KIF26B: variants seen among roughly 807,000 people sequenced by gnomAD.
KIF26B encodes kinesin family member 26B.
In KIF26B, 63 loss-of-function variants were observed where a neutral mutation model predicts 151.2. The ratio of observed to expected loss-of-function variants is 0.42; its 90% CI spans 0.34 to 0.51. The LOEUF is 0.51. Ranked by LOEUF, KIF26B falls within the 20% of genes least tolerant of loss-of-function variation. The pLI is 0.07. For missense variants in KIF26B, 2,813 were observed against 2,913.6 expected (o/e 0.97, Z 0.79); for synonymous variants, 1,357 against 1,262.1 (o/e 1.08, Z -1.59).
chr1:245,212,791 C>A (rs2087778798), intron 2 of KIF26B, among the ~76,000 whole-genome samples: 1 of 152,266 alleles, frequency 6.6e-6, no homozygotes, highest in Non-Finnish European at 1.5e-5. Flanking sequence ...CCTCACCGGT[C>A]ACTCTTTAGT....
chr1:245,648,126 T>C (rs1164577116), intron 10 of KIF26B, among the ~76,000 whole-genome samples: 2 of 152,226 alleles, frequency 1.3e-5, no homozygotes, highest in African/African-American at 4.8e-5. Flanking sequence ...TAGATCATGA[T>C]ATAGATAAAA....
chr1:245,662,774 C>CCCCCA (rs60172973), intron 10 of KIF26B, among the ~76,000 whole-genome samples: 2 of 68,090 alleles, frequency 2.9e-5, no homozygotes, highest in South Asian at 5.4e-4. Context: ...CACACACACA[C>CCCCCA]ATGCATGCCC....
At chr1:245,416,096 G>A (rs1273038258) in intron 3 of KIF26B, among the ~76,000 whole-genome samples, 4 of 131,658 alleles carry the variant, frequency 3.0e-5, no homozygotes, top group East Asian at 2.0e-4. Context: ...GAGAAACCCC[G>A]TCTCTAGTAA....
At chr1:245,382,743 T>G (rs564965347) in intron 3 of KIF26B, among the ~76,000 whole-genome samples, 1 of 152,068 alleles carries the variant, frequency 6.6e-6, no homozygotes, top group South Asian at 2.1e-4. Flanking sequence ...TAATTTTGTA[T>G]TTTTAGTACA....
intron 2 of KIF26B, among the ~76,000 whole-genome samples, chr1:245,195,965 A>G (rs563015128): frequency 2.0e-5 from 3 of 152,314 alleles, no homozygotes; most frequent in Admixed American, 2.0e-4. Context: ...GAGAGTAATC[A>G]AAGTGGAAAA....
chr1:245,417,047 A>G (rs1198441201), intron 3 of KIF26B, among the ~76,000 whole-genome samples: 1 of 152,158 alleles, frequency 6.6e-6, no homozygotes, highest in African/African-American at 2.4e-5. Context: ...TGGAAAGCAC[A>G]CCATGAGAAA....
chr1:245,222,621 T>C (rs142232453), intron 2 of KIF26B, among the ~76,000 whole-genome samples: 1,847 of 152,256 alleles, frequency 0.012, 15 homozygotes, highest in Middle Eastern at 0.024. Context: ...AGCCTGAGGT[T>C]GAATTACAGA....
intron 2 of KIF26B, among the ~76,000 whole-genome samples, chr1:245,296,670 G>T (rs1671342969): frequency 6.6e-6 from 1 of 152,174 alleles, no homozygotes; most frequent in Non-Finnish European, 1.5e-5. Flanking sequence ...ACTTTTCCCT[G>T]CCCAGCTACT....
intron 3 of KIF26B, among the ~76,000 whole-genome samples, chr1:245,404,262 TA>T (rs1674080766): frequency 6.6e-6 from 1 of 151,602 alleles, no homozygotes; most frequent in Admixed American, 6.6e-5. Context: ...ATTAGATGAA[TA>T]GCTTTTCAAA....
chr1:245,500,172 G>C (rs1276450031), intron 4 of KIF26B, among the ~76,000 whole-genome samples: 1 of 152,204 alleles, frequency 6.6e-6, no homozygotes, highest in Admixed American at 6.5e-5. Context: ...TTCTTTGGGT[G>C]AAAGCTGTCG....
intron 2 of KIF26B, among the ~76,000 whole-genome samples, chr1:245,351,181 C>A (rs1478378647): frequency 6.6e-6 from 1 of 152,204 alleles, no homozygotes; most frequent in African/African-American, 2.4e-5. Context: ...GGAAAATGAG[C>A]CGGACATTGA....
intron 4 of KIF26B, among the ~76,000 whole-genome samples, chr1:245,499,369 G>A (rs1168018304): frequency 1.3e-5 from 2 of 152,106 alleles, no homozygotes; most frequent in African/African-American, 2.4e-5. Flanking sequence ...GCCCAGATAC[G>A]CAGGTGATTT....
chr1:245,317,340 ACTGT>A (rs761061242), intron 2 of KIF26B, among the ~76,000 whole-genome samples: 1 of 152,182 alleles, frequency 6.6e-6, no homozygotes, highest in African/African-American at 2.4e-5. Flanking sequence ...CAGAGGGCTC[ACTGT>A]CTGTGAGCTT....
chr1:245,695,675 G>A (rs2044683560), intron 12 of KIF26B, among the ~76,000 whole-genome samples: 1 of 152,190 alleles, frequency 6.6e-6, no homozygotes, highest in African/African-American at 2.4e-5. Flanking sequence ...GGAGGCAATG[G>A]GAAGGAAGTA....
chr1:245,182,696 C>T lies in KIF26B; in HGVS notation c.465+26013C>T, dbSNP rs80182042. Among the ~76,000 whole-genome samples, 885 of 152,132 alleles carry T rather than the reference C, an allele frequency of 5.8e-3. 7 individuals are homozygous for T. Among genetic ancestry groups the T allele is most frequent in the African/African-American group, 0.019 (804 of 41,494 alleles). On this transcript the variant is annotated intron_variant, in intron 2 of 14. Coordinates refer to ENST00000407071, the MANE Select transcript of KIF26B (RefSeq NM_018012.4). ...TGTCGCCCAGGCTGGAGTGCAGTGG[C>T]GCCATCTCGGCTCACTGCAACCTCC...
chr1:245,475,657 T>C (rs1660019527), intron 4 of KIF26B, among the ~76,000 whole-genome samples: 1 of 151,794 alleles, frequency 6.6e-6, no homozygotes, highest in Non-Finnish European at 1.5e-5. Flanking sequence ...TTAACATCAT[T>C]AGTCATTAGG....
In KIF26B at chr1:245,464,382, GGTGTGT is replaced by G. The variant is rs145902975; in HGVS notation, c.1166+44645_1166+44650del. On this transcript the variant is annotated intron_variant, in intron 4 of 14. Coordinates refer to ENST00000407071, the MANE Select transcript of KIF26B (RefSeq NM_018012.4). ...GTGTGTGCGTGTGTGGGTGTGTGTA[GGTGTGT>G]GTGTGTGGGTGTGTGCGTATGTGGG... 4.3e-3 allele frequency among the ~76,000 whole-genome samples: 632 copies of G among 146,734 alleles called. 5 individuals carry two copies. Among genetic ancestry groups the G allele is most frequent in the African/African-American group, 0.015 (602 of 39,584 alleles).
intron 10 of KIF26B, among the ~76,000 whole-genome samples, chr1:245,666,737 C>T (rs2044220360): frequency 6.6e-6 from 1 of 151,840 alleles, no homozygotes; most frequent in South Asian, 2.1e-4. Flanking sequence ...TTGTCCGTAC[C>T]AAATGGTACG....
intron 5 of KIF26B, among the ~76,000 whole-genome samples, chr1:245,542,171 A>G (rs576799115): frequency 5.8e-4 from 89 of 152,318 alleles, no homozygotes; most frequent in African/African-American, 2.0e-3. Flanking sequence ...TGGGTAACAT[A>G]GCAAGACCCT....
Sources: allele counts gnomAD v4.1 joint callset (sites outside exome capture counted in the v4.1 genomes callset), GRCh38; gene constraint gnomAD v4.1.1; transcripts MANE v1.5; gene names NCBI Gene and HGNC (gene_info 2026-07-23, HGNC 2026-07-21).